Variants in RIC1 observed in about 807,000 individuals in gnomAD.
RIC1 encodes the protein RIC1 partner of RAB6A GEF complex, also known as guanine nucleotide exchange factor subunit RIC1.
Under a neutral mutation model 169.0 loss-of-function variants are expected in RIC1, and 88 were observed. The ratio of observed to expected loss-of-function variants is 0.52; its 90% CI spans 0.44 to 0.62. The LOEUF (loss-of-function observed/expected upper bound fraction) is 0.62, where lower values mean the gene tolerates loss of function less well. Ranked by LOEUF, RIC1 falls within the 20% of genes least tolerant of loss-of-function variation. RIC1 has a pLI of 0.00. For missense variants in RIC1, 1,877 were observed against 1,725.5 expected (o/e 1.09, Z -1.56); for synonymous variants, 790 against 601.5 (o/e 1.31, Z -4.59).
chr9:5,726,774 G>A (rs1392731323), intron 6 of RIC1, among the ~76,000 whole-genome samples: 2 of 152,170 alleles, frequency 1.3e-5, no homozygotes, highest in East Asian at 1.9e-4. Context: ...CTCAGCATTT[G>A]CTTGTCTGTA....
At chr9:5,673,963 A>G (rs1298485981) in intron 2 of RIC1, among the ~76,000 whole-genome samples, 2 of 152,160 alleles carry the variant, frequency 1.3e-5, no homozygotes, top group African/African-American at 2.4e-5. Flanking sequence ...AAAAAATTGT[A>G]TTTTAGATAA....
At chr9:5,725,743 A>AT (rs1823934240) in intron 6 of RIC1, among the ~76,000 whole-genome samples, 1 of 152,010 alleles carries the variant, frequency 6.6e-6, no homozygotes, top group African/African-American at 2.4e-5. Context: ...TGTCCCAGAG[A>AT]TTCTGGTATG....
In RIC1 at chr9:5,763,988, A is replaced by C; in HGVS notation, c.2841+120A>C. 1.8e-6 allele frequency: 2 copies of C among 1,119,962 alleles called. No homozygotes were observed. The highest frequency in any genetic ancestry group is 2.4e-5 in the East Asian group (1 of 41,512). 69.4% of individuals were successfully genotyped at this position (1,119,962 alleles called of 1,614,324 possible). On this transcript the variant is annotated intron_variant, in intron 19 of 25. Transcript: ENST00000414202. The surrounding 1 kb of genome is among the most constrained non-coding windows in gnomAD (Gnocchi z 5.2). ...GAATTCATAGTCAAATTTTCTGTTT[A>C]TATCTTTAATTTGGAAGAATTCAGA...
intron 5 of RIC1, 115 bp from the exon 6 acceptor site, chr9:5,720,499 G>C (rs539639467): frequency 1.0e-5 from 12 of 1,191,812 alleles, no homozygotes; most frequent in Non-Finnish European, 1.4e-5. Context: ...TAATTATTTA[G>C]GGTTGTTAGG....
At chr9:5,653,382 T>C (rs1818913641) in intron 1 of RIC1, among the ~76,000 whole-genome samples, 1 of 152,114 alleles carries the variant, frequency 6.6e-6, no homozygotes, top group Admixed American at 6.5e-5. Context: ...CAACATTGTC[T>C]TCTCCAGTAT....
At chr9:5,660,627 A>G (rs1265016120) in intron 2 of RIC1, among the ~76,000 whole-genome samples, 3 of 151,686 alleles carry the variant, frequency 2.0e-5, no homozygotes, top group East Asian at 3.9e-4. Context: ...TTTAAAATGT[A>G]TTTGTTGGCC....
chr9:5,665,582 G>A (rs1463034557), intron 2 of RIC1, among the ~76,000 whole-genome samples: 3 of 152,172 alleles, frequency 2.0e-5, no homozygotes, highest in South Asian at 4.1e-4. Context: ...GGGCTTATCT[G>A]CCTTTGATCT....
intron 4 of RIC1, among the ~76,000 whole-genome samples, chr9:5,718,838 T>G (rs1489719637): frequency 6.6e-6 from 1 of 152,230 alleles, no homozygotes; most frequent in Non-Finnish European, 1.5e-5. Context: ...CATCTGTTTC[T>G]GATCTTTTTC....
chr9:5,691,029 A>G (rs964053100), intron 3 of RIC1, among the ~76,000 whole-genome samples: 12 of 152,108 alleles, frequency 7.9e-5, no homozygotes, highest in Middle Eastern at 3.4e-3. Context: ...TACTGCTCGC[A>G]GAGGTATAAT....
intron 3 of RIC1, among the ~76,000 whole-genome samples, chr9:5,690,461 CT>C (rs1382661850): frequency 6.6e-6 from 1 of 151,892 alleles, no homozygotes; most frequent in African/African-American, 2.4e-5. Flanking sequence ...AAAACGTGGA[CT>C]TTTGCCCTTT....
At position 5,769,066 on chromosome 9, in the gene RIC1, C is replaced by T. The variant is rs756001257; in HGVS notation, c.3234C>T (p.Asp1078=). The change falls in exon 22 of 26, where the codon GAC becomes GAT. Residue 1078 remains aspartate, a synonymous_variant. Transcript: ENST00000414202. ...TCTTAGAAGATGTGAGGTTAAAGGA[C>T]CTTGGCTGCTTTGCAGCCCAGCTGG... The part of the protein sequence containing the change: ...RRLLEDVRLK[D]LGCFAAQLGF... 3.7e-6 allele frequency: 6 copies of T among 1,613,954 alleles called. No individual in the cohort carries two copies. The highest frequency in any genetic ancestry group is 3.3e-5 in the South Asian group (3 of 91,082).
chr9:5,696,803 T>G (rs1211690779), intron 3 of RIC1, among the ~76,000 whole-genome samples: 1 of 152,206 alleles, frequency 6.6e-6, no homozygotes, highest in Non-Finnish European at 1.5e-5. Flanking sequence ...ACATTATCCA[T>G]TGTCTGATTT....
At chr9:5,740,579 A>C (rs1040278439) in intron 8 of RIC1, among the ~76,000 whole-genome samples, 1 of 151,538 alleles carries the variant, frequency 6.6e-6, no homozygotes, top group Non-Finnish European at 1.5e-5. Flanking sequence ...CCGAGTTCCA[A>C]AACTGAAGAA....
chr9:5,667,499 G>A (rs1382669708), intron 2 of RIC1, among the ~76,000 whole-genome samples: 5 of 144,944 alleles, frequency 3.4e-5, no homozygotes, highest in Non-Finnish European at 7.5e-5. Flanking sequence ...TCCCTCCACC[G>A]CCACCTTTTT....
At chr9:5,657,183 A>G (rs1196106399) in intron 2 of RIC1, among the ~76,000 whole-genome samples, 1 of 152,138 alleles carries the variant, frequency 6.6e-6, no homozygotes, top group African/African-American at 2.4e-5. Context: ...TTCCATTCCA[A>G]AAGATATTCC....
intron 23 of RIC1, among the ~76,000 whole-genome samples, chr9:5,770,912 A>AT (rs1827173497): frequency 6.6e-6 from 1 of 152,204 alleles, no homozygotes; most frequent in Admixed American, 6.5e-5. Context: ...GCATAGGGTT[A>AT]TATAGTATAG....
chr9:5,717,200 A>G (rs1325297754), intron 4 of RIC1, among the ~76,000 whole-genome samples: 2 of 152,152 alleles, frequency 1.3e-5, no homozygotes, highest in African/African-American at 2.4e-5. Flanking sequence ...TTGTTGCAGC[A>G]TCACTGATTA....
At chr9:5,732,070 C>T (rs1267423380) in intron 6 of RIC1, among the ~76,000 whole-genome samples, 2 of 152,282 alleles carry the variant, frequency 1.3e-5, no homozygotes, top group East Asian at 3.9e-4. Context: ...AAAATGTTTA[C>T]ATTCTAACAA....
At chr9:5,756,122 T>G (rs1586697804) in intron 15 of RIC1, 90 bp from the exon 16 acceptor site, 6 of 697,336 alleles carry the variant, frequency 8.6e-6, no homozygotes, top group Non-Finnish European at 1.2e-5. Flanking sequence ...AAAAAAAAAG[T>G]CGGAAGTTAA....
Sources: gnomAD v4.1 joint callset for allele counts (sites outside exome capture counted in the v4.1 genomes callset) on GRCh38, gnomAD v4.1.1 for gene constraint, Gnocchi (gnomAD v3.1) non-coding constraint, MANE v1.5 for transcripts, NCBI Gene and HGNC (gene_info 2026-07-23, HGNC 2026-07-21) for gene names.